Variants in ABCC1 observed in about 807,000 individuals in gnomAD.
ABCC1 encodes multidrug resistance-associated protein 1.
In ABCC1, 83 loss-of-function variants were observed where a neutral mutation model predicts 172.9. The ratio of observed to expected loss-of-function variants is 0.48; its 90% CI spans 0.40 to 0.58. ABCC1 has a LOEUF of 0.58. Among genes scored for constraint, ABCC1 ranks in the 20% least tolerant of loss-of-function variants. ABCC1 has a pLI of 0.00. For synonymous variants in ABCC1, 937 were observed against 825.2 expected, an observed-to-expected ratio of 1.14 and a Z score of -2.32; for missense variants, 1,817 against 2,002.7, an observed-to-expected ratio of 0.91 and a Z score of 1.77.
chr16:16,077,511 C>T (rs1243378202), intron 15 of ABCC1, among the ~76,000 whole-genome samples: 2 of 151,902 alleles, frequency 1.3e-5, no homozygotes, highest in African/African-American at 4.9e-5. Flanking sequence ...TTTCTCTCAT[C>T]AGCCTGTAAG....
intron 2 of ABCC1, among the ~76,000 whole-genome samples, chr16:16,009,427 C>T (rs963132494): frequency 8.5e-5 from 13 of 152,138 alleles, no homozygotes; most frequent in Non-Finnish European, 1.5e-4. Flanking sequence ...GAATGGTTGT[C>T]GTGGAGGGCT....
At chr16:16,068,416 T>C in intron 13 of ABCC1, 114 bp downstream of exon 13, 4 of 1,245,490 alleles carry the variant, frequency 3.2e-6, no homozygotes, top group Non-Finnish European at 3.4e-6. Context: ...TCGGGCTCCA[T>C]GAGGCCCGGA....
intron 23 of ABCC1, among the ~76,000 whole-genome samples, chr16:16,115,464 C>G (rs2044821032): frequency 6.6e-6 from 1 of 152,100 alleles, no homozygotes; most frequent in Non-Finnish European, 1.5e-5. Context: ...AGTGATTCCC[C>G]TGCCTCAGCC....
At chr16:16,127,518 C>G (rs1400552696) in intron 26 of ABCC1, among the ~76,000 whole-genome samples, 1 of 152,154 alleles carries the variant, frequency 6.6e-6, no homozygotes, top group Non-Finnish European at 1.5e-5. Flanking sequence ...AATTTAGATG[C>G]TACTATTACC....
At chr16:16,071,785 G>T in intron 14 of ABCC1, 56 bp downstream of exon 14, 1 of 1,472,270 alleles carries the variant, frequency 6.8e-7, no homozygotes. Flanking sequence ...ATCTCCCACT[G>T]GGTCCTCCCT....
chr16:16,112,595 C>T (rs1005174147), intron 22 of ABCC1, among the ~76,000 whole-genome samples: 1 of 152,100 alleles, frequency 6.6e-6, no homozygotes, highest in African/African-American at 2.4e-5. Flanking sequence ...AACTGAGGCC[C>T]GGAGAGGTTG....
chr16:16,000,318 G>C (rs551335781), intron 1 of ABCC1, among the ~76,000 whole-genome samples: 1 of 151,760 alleles, frequency 6.6e-6, no homozygotes, highest in East Asian at 2.0e-4. Flanking sequence ...GCTAATTTTT[G>C]TGTTTCTAGT....
At chr16:16,110,416 G>A (rs2052336395) in intron 21 of ABCC1, among the ~76,000 whole-genome samples, 1 of 151,934 alleles carries the variant, frequency 6.6e-6, no homozygotes, top group African/African-American at 2.4e-5. Flanking sequence ...TTTAGAGACA[G>A]TCTCACTCTG....
At chr16:15,954,894 C>T (rs962458659) in intron 1 of ABCC1, among the ~76,000 whole-genome samples, 2 of 152,158 alleles carry the variant, frequency 1.3e-5, no homozygotes, top group African/African-American at 4.8e-5. Context: ...AGAACGTGAG[C>T]TTCCTCTTCC....
At chr16:16,030,114 A>G (rs185070251) in intron 5 of ABCC1, among the ~76,000 whole-genome samples, 5 of 152,346 alleles carry the variant, frequency 3.3e-5, no homozygotes, top group African/African-American at 1.2e-4. Flanking sequence ...CATTTGGGAA[A>G]GGTGGAGAAA....
intron 1 of ABCC1, among the ~76,000 whole-genome samples, chr16:15,950,425 C>A (rs1013059051): frequency 6.6e-6 from 1 of 152,110 alleles, no homozygotes; most frequent in African/African-American, 2.4e-5. Context: ...ATGTGCCCTA[C>A]CTGACCCTCG....
At chr16:16,093,376 C>T (rs909670769) in intron 19 of ABCC1, among the ~76,000 whole-genome samples, 1 of 151,886 alleles carries the variant, frequency 6.6e-6, no homozygotes, top group African/African-American at 2.4e-5. Flanking sequence ...AGATAGGTTC[C>T]GCACCCCCGC....
At chr16:16,096,218 G>T (rs2051472223) in intron 19 of ABCC1, among the ~76,000 whole-genome samples, 1 of 141,328 alleles carries the variant, frequency 7.1e-6, no homozygotes, top group Non-Finnish European at 1.5e-5. Context: ...AACAGAGCGA[G>T]ACTGTCTCAA....
chr16:16,132,255 T>A (rs901986045), intron 27 of ABCC1, among the ~76,000 whole-genome samples: 2 of 152,030 alleles, frequency 1.3e-5, no homozygotes, highest in Non-Finnish European at 2.9e-5. Flanking sequence ...AGTGGTGTGA[T>A]CTCAGCCCAC....
intron 1 of ABCC1, among the ~76,000 whole-genome samples, chr16:15,991,898 A>G (rs769209763): frequency 3.3e-5 from 5 of 151,978 alleles, no homozygotes; most frequent in Non-Finnish European, 5.9e-5. Flanking sequence ...GGGGTCCCCA[A>G]TCCCCAGAGC....
Position 16,001,143 on chromosome 16 carries a change from A to G in ABCC1, c.49-6673A>G, listed in dbSNP as rs140948039. Among the ~76,000 whole-genome samples, 104 of 152,300 alleles carry G rather than the reference A, an allele frequency of 6.8e-4. No homozygotes were observed. The East Asian group carries it at 0.015, about 21-fold the overall frequency. On this transcript the variant is annotated intron_variant, in intron 1 of 30. Transcript: ENST00000399410. ...TGGGGAACAGGGTGGGAGAAATTGT[A>G]GGAGAAGTAGATGGGACTTGAATGT...
At chr16:16,129,896 G>A (rs537781497) in intron 26 of ABCC1, among the ~76,000 whole-genome samples, 6 of 152,176 alleles carry the variant, frequency 3.9e-5, no homozygotes, top group Admixed American at 3.3e-4. Context: ...AAAGTTGCCC[G>A]GCGTTTTCTT....
Position 16,141,159 on chromosome 16 carries a change from C to T in ABCC1, c.4488-14C>T. On this transcript the variant is annotated splice_polypyrimidine_tract_variant and intron_variant, in intron 30 of 30. Coordinates refer to ENST00000399410, the MANE Select transcript of ABCC1 (RefSeq NM_004996.4). ...CCTCCCCTTCCCCTCATGTCTGTAT[C>T]CCCTCTCCCTCAGGGTGATCGTCTT... 10 of 1,611,974 alleles carry T rather than the reference C, an allele frequency of 6.2e-6. No individual in the cohort carries two copies. The highest frequency in any genetic ancestry group is 8.5e-6 in the Non-Finnish European group (10 of 1,178,280).
At chr16:16,000,490 T>G (rs1033721955) in intron 1 of ABCC1, among the ~76,000 whole-genome samples, 2 of 152,104 alleles carry the variant, frequency 1.3e-5, no homozygotes, top group African/African-American at 4.8e-5. Context: ...TTGGAGAAAT[T>G]AAGTGACTTG....
Sources: allele counts gnomAD v4.1 joint callset (sites outside exome capture counted in the v4.1 genomes callset), GRCh38; gene constraint gnomAD v4.1.1; transcripts MANE v1.5; gene names NCBI Gene and HGNC (gene_info 2026-07-23, HGNC 2026-07-21).